VPS13B: variants seen among roughly 807,000 people sequenced by gnomAD.
VPS13B encodes intermembrane lipid transfer protein VPS13B.
Under a neutral mutation model 426.4 loss-of-function variants are expected in VPS13B, and 285 were observed. The observed-to-expected ratio is 0.67, with a 90% confidence interval of 0.61 to 0.74. The LOEUF (loss-of-function observed/expected upper bound fraction) is 0.74, where lower values mean the gene tolerates loss of function less well. VPS13B is among the 30% of genes least tolerant of loss of function. The pLI is 0.00. For missense variants in VPS13B, 4,537 were observed against 4,782.6 expected (o/e 0.95, Z 1.51); for synonymous variants, 1,676 against 1,676.4 (o/e 1.00, Z 0.01).
chr8:99,275,056 T>C, intron 18 of VPS13B, 25 bp from the exon 19 acceptor site: 1 of 1,557,234 alleles, frequency 6.4e-7, no homozygotes. Context: ...ATTTTTATTA[T>C]TGTTTTATAA....
intron 15 of VPS13B, among the ~76,000 whole-genome samples, chr8:99,163,575 C>T (rs1055302585): frequency 1.2e-4 from 18 of 152,232 alleles, no homozygotes; most frequent in Non-Finnish European, 1.5e-4. Flanking sequence ...GGCGAGAAAT[C>T]GAGCACAGCG....
chr8:99,032,571 C>A (rs1842561266), intron 2 of VPS13B, among the ~76,000 whole-genome samples: 2 of 149,238 alleles, frequency 1.3e-5, no homozygotes, highest in South Asian at 4.2e-4. Flanking sequence ...GCTCTGTTAC[C>A]CAGGCTGGAG....
intron 17 of VPS13B, among the ~76,000 whole-genome samples, chr8:99,207,618 C>G (rs1304621739): frequency 6.6e-6 from 1 of 152,040 alleles, no homozygotes; most frequent in Non-Finnish European, 1.5e-5. Flanking sequence ...ATTTTTCAGT[C>G]TTACAGAAAG....
chr8:99,179,457 TCTTG>T, intron 16 of VPS13B, among the ~76,000 whole-genome samples: 1 of 152,258 alleles, frequency 6.6e-6, no homozygotes, highest in Non-Finnish European at 1.5e-5. Flanking sequence ...GTCCCCTCCT[TCTTG>T]CTTTTAAAAA....
intron 28 of VPS13B, among the ~76,000 whole-genome samples, chr8:99,510,867 T>C (rs1292083886): frequency 6.6e-6 from 1 of 152,132 alleles, no homozygotes; most frequent in Non-Finnish European, 1.5e-5. Flanking sequence ...AAAAGATTAA[T>C]AACCTCCCTC....
Position 99,645,016 on chromosome 8 carries a change from C to T in VPS13B, c.5908+2518C>T, listed in dbSNP as rs144898541. On this transcript the variant is annotated intron_variant, in intron 34 of 61. Coordinates refer to ENST00000357162, the MANE Select transcript of VPS13B (RefSeq NM_152564.5). Reference sequence around the variant, plus strand: ...CCAAGGTCACAGACCTAGCAATAAACAGAGCTACAATTCAAAGCTAAGAAG... The same window carrying T: ...CCAAGGTCACAGACCTAGCAATAAATAGAGCTACAATTCAAAGCTAAGAAG... 3.3e-5 allele frequency among the ~76,000 whole-genome samples: 5 copies of T among 152,270 alleles called. No homozygotes were observed. The East Asian group carries it at 9.6e-4, about 29-fold the overall frequency.
At chr8:99,670,976 T>C (rs1830693720) in intron 35 of VPS13B, among the ~76,000 whole-genome samples, 1 of 152,146 alleles carries the variant, frequency 6.6e-6, no homozygotes, top group Non-Finnish European at 1.5e-5. Flanking sequence ...GGCACACTGG[T>C]TTCATTTCCT....
Position 99,424,246 on chromosome 8 carries a change from T to G in VPS13B, c.3083-7291T>G, listed in dbSNP as rs967009703. ...GGATTACAACCCCTGCTTTTTTTTT[T>G]GTTTTCCATTTGCTTGGTAGATCTT... On this transcript the variant is annotated intron_variant, in intron 21 of 61. Coordinates refer to ENST00000357162, the MANE Select transcript of VPS13B (RefSeq NM_152564.5). The G allele has an allele frequency of 3.9e-5, 6 of 152,306 alleles. No homozygotes were observed. The South Asian group carries it at 6.2e-4, about 16-fold the overall frequency. The allele number at this position is 152,306 out of a possible 1,614,324, so 9.4% of individuals were successfully genotyped here. A position where few individuals can be genotyped will look rare whatever the true frequency, so the allele number is the denominator to read the frequency against.
chr8:99,192,504 G>A (rs966936565), intron 16 of VPS13B, among the ~76,000 whole-genome samples: 3 of 152,122 alleles, frequency 2.0e-5, no homozygotes, highest in East Asian at 1.9e-4. Flanking sequence ...AGGATTCAAC[G>A]TGTTAACAGA....
chr8:99,228,448 G>A (rs930604899), intron 17 of VPS13B, among the ~76,000 whole-genome samples: 2 of 151,988 alleles, frequency 1.3e-5, no homozygotes, highest in Non-Finnish European at 2.9e-5. Flanking sequence ...AGGCCTTCAG[G>A]TTGCCTAGTA....
At chr8:99,198,993 G>C (rs1814123742) in intron 17 of VPS13B, among the ~76,000 whole-genome samples, 1 of 152,004 alleles carries the variant, frequency 6.6e-6, no homozygotes, top group African/African-American at 2.4e-5. Context: ...TGCGTCTGAG[G>C]ACTCTCATTA....
intron 29 of VPS13B, among the ~76,000 whole-genome samples, chr8:99,515,923 G>A (rs1822044698): frequency 6.6e-6 from 1 of 151,988 alleles, no homozygotes; most frequent in Admixed American, 6.6e-5. Flanking sequence ...CATTTTTTGT[G>A]TATTAATCCT....
chr8:99,481,880 A>G (rs1209720146), intron 25 of VPS13B, 78 bp downstream of exon 25: 1 of 1,502,916 alleles, frequency 6.7e-7, no homozygotes, highest in Non-Finnish European at 9.1e-7. Flanking sequence ...TTTAAAATGA[A>G]GATAACCTCA....
At chr8:99,263,676 A>T (rs1194586686) in intron 17 of VPS13B, among the ~76,000 whole-genome samples, 1 of 152,070 alleles carries the variant, frequency 6.6e-6, no homozygotes, top group Non-Finnish European at 1.5e-5. Context: ...TTCTCCTACT[A>T]CTTTTAAGGA....
chr8:99,553,978 T>C (rs1437840696), intron 30 of VPS13B, among the ~76,000 whole-genome samples: 1 of 151,896 alleles, frequency 6.6e-6, no homozygotes, highest in African/African-American at 2.4e-5. Context: ...GAAGAACCTG[T>C]GGGAAATAAT....
At chr8:99,740,757 A>G (rs1433727118) in intron 39 of VPS13B, among the ~76,000 whole-genome samples, 1 of 152,214 alleles carries the variant, frequency 6.6e-6, no homozygotes, top group African/African-American at 2.4e-5. Flanking sequence ...AGAATACTAT[A>G]CAGACAAGCA....
rs564551851 is a variant in VPS13B, at chr8:99,487,848, G to T, written c.3870+6046G>T. 3.9e-5 allele frequency among the ~76,000 whole-genome samples: 6 copies of T among 151,916 alleles called. No individual in the cohort carries two copies. The East Asian group carries it at 9.7e-4, about 24-fold the overall frequency. On this transcript the variant is annotated intron_variant, in intron 25 of 61. Coordinates refer to ENST00000357162, the MANE Select transcript of VPS13B (RefSeq NM_152564.5). ...ACACATTTAATTTATCTGTTTCTTT[G>T]TTGCTGGACATCTGGGTTATTTCTA...
chr8:99,718,670 T>C (rs1833013585), intron 37 of VPS13B, among the ~76,000 whole-genome samples: 1 of 151,676 alleles, frequency 6.6e-6, no homozygotes, highest in Non-Finnish European at 1.5e-5. Context: ...TTTCTTTTTT[T>C]CTTTTTTTTT....
At chr8:99,042,795 G>A (rs1843031152) in intron 3 of VPS13B, among the ~76,000 whole-genome samples, 2 of 152,004 alleles carry the variant, frequency 1.3e-5, no homozygotes, top group Non-Finnish European at 2.9e-5. Flanking sequence ...GTATTAATAA[G>A]AAAAAAATTT....
Sources: allele counts gnomAD v4.1 joint callset (sites outside exome capture counted in the v4.1 genomes callset), GRCh38; gene constraint gnomAD v4.1.1; transcripts MANE v1.5; gene names NCBI Gene and HGNC (gene_info 2026-07-23, HGNC 2026-07-21).